Variants in THOC2 observed in about 807,000 individuals in gnomAD.
The protein encoded by THOC2 is THO complex subunit 2, also known as THO complex 2.
A neutral mutation model predicts 128.4 loss-of-function variants in THOC2; 10 were observed. The ratio of observed to expected loss-of-function variants is 0.08; its 90% confidence interval spans 0.05 to 0.13. THOC2 has a LOEUF of 0.13. Ranked by LOEUF, THOC2 falls within the 10% of genes least tolerant of loss-of-function variation. The pLI is 1.00. For missense variants in THOC2, 535 were observed against 1,155.7 expected (o/e 0.46, Z 7.79); for synonymous variants, 393 against 396.9 (o/e 0.99, Z 0.12).
At chrX:123,687,068 C>T (rs1013913588) in intron 7 of THOC2, among the ~76,000 whole-genome samples, 4 of 110,990 alleles carry the variant, frequency 3.6e-5, no homozygotes, top group Non-Finnish European at 5.7e-5. Flanking sequence ...TGGAAAAACA[C>T]GAAAATCAAA....
chrX:123,721,678 C>T (rs943813958), intron 1 of THOC2, among the ~76,000 whole-genome samples: 5 of 107,670 alleles, frequency 4.6e-5, no homozygotes, highest in Admixed American at 2.0e-4. Context: ...CCCAGCTACT[C>T]GGGAGCCTGA....
At chrX:123,697,938 A>G (rs2050510747) in intron 4 of THOC2, among the ~76,000 whole-genome samples, 187 bp from the exon 5 acceptor site, 1 of 111,679 alleles carries the variant, frequency 9.0e-6, no homozygotes, top group Admixed American at 9.5e-5. Flanking sequence ...CTGGAGATTG[A>G]CCCTGTGACC....
chrX:123,653,352 A>G (rs1219934847), intron 12 of THOC2, among the ~76,000 whole-genome samples: 1 of 112,220 alleles, frequency 8.9e-6, no homozygotes, highest in Non-Finnish European at 1.9e-5. Context: ...ACCATTTAGG[A>G]CAAAGGCATG....
At chrX:123,684,114 A>G (rs1313167217) in intron 8 of THOC2, among the ~76,000 whole-genome samples, 2 of 111,703 alleles carry the variant, frequency 1.8e-5, no homozygotes, top group East Asian at 5.6e-4. Flanking sequence ...GAAAAGTTAC[A>G]TTATTTATAA....
intron 30 of THOC2, 63 bp from the exon 31 acceptor site, chrX:123,621,650 A>T: frequency 4.7e-6 from 4 of 842,555 alleles, no homozygotes; most frequent in Non-Finnish European, 4.9e-6. Context: ...TTGATATATG[A>T]TAAAATATAT....
At chrX:123,656,872 T>C (rs1487759516) in intron 12 of THOC2, among the ~76,000 whole-genome samples, 1 of 109,453 alleles carries the variant, frequency 9.1e-6, no homozygotes, top group African/African-American at 3.3e-5. Flanking sequence ...TAGCTGGGTG[T>C]GGTGGCGCAT....
intron 15 of THOC2, among the ~76,000 whole-genome samples, chrX:123,642,885 T>C (rs1217042304): frequency 9.0e-6 from 1 of 111,508 alleles, no homozygotes; most frequent in African/African-American, 3.3e-5. Context: ...GTGAGACTTT[T>C]TGCTGTATTT....
intron 17 of THOC2, among the ~76,000 whole-genome samples, chrX:123,638,341 G>T (rs2047755701): frequency 8.9e-6 from 1 of 111,937 alleles, no homozygotes; most frequent in Admixed American, 9.5e-5. Context: ...CAGCAATCAA[G>T]ACAGATTCCA....
At chrX:123,640,643 G>C in intron 15 of THOC2, 21 bp from the exon 16 acceptor site, 1 of 975,766 alleles carries the variant, frequency 1.0e-6, no homozygotes, top group Non-Finnish European at 1.4e-6. Flanking sequence ...AGAAAAAGGT[G>C]GCACGGATCA....
intron 33 of THOC2, among the ~76,000 whole-genome samples, chrX:123,615,790 T>C (rs753342673): frequency 6.3e-5 from 7 of 111,053 alleles, no homozygotes; most frequent in Non-Finnish European, 9.5e-5. Context: ...TACTTCATTC[T>C]TGACATAAAA....
chrX:123,714,221 ATGTTCAAAAGACAAAG>A (rs1476557402), intron 1 of THOC2, among the ~76,000 whole-genome samples: 2 of 112,488 alleles, frequency 1.8e-5, no homozygotes, highest in African/African-American at 3.2e-5. Context: ...ATCTAACTCC[ATGTTCAAAAGACAAAG>A]TATCTAAATT....
At chrX:123,708,301 A>G (rs772007616) in intron 2 of THOC2, among the ~76,000 whole-genome samples, 12 of 111,571 alleles carry the variant, frequency 1.1e-4, no homozygotes, top group Non-Finnish European at 1.5e-4. Flanking sequence ...AGAATTCTTT[A>G]TTAAATATAT....
rs967319699 is a variant in THOC2, at chrX:123,625,818, T to C, written c.3057+94A>G. On this transcript the variant is annotated intron_variant, in intron 25 of 38. Coordinates refer to ENST00000245838, the MANE Select transcript of THOC2 (RefSeq NM_001081550.2). The stretch of plus-strand genomic sequence containing the variant: ...TTCAGACACTTGGTTCTTGAGTTCA[T>C]GCTTTTTAACTAAACACACAATAAT... 11 of 945,378 alleles carry C rather than the reference T, an allele frequency of 1.2e-5. 1 individual carries two copies. Among genetic ancestry groups the C allele is most frequent in the African/African-American group, 2.0e-5 (1 of 50,025 alleles). 77.9% of individuals were successfully genotyped at this position (945,378 alleles called of 1,213,427 possible). A position where few individuals can be genotyped will look rare whatever the true frequency, so the allele number is the denominator to read the frequency against.
intron 1 of THOC2, among the ~76,000 whole-genome samples, chrX:123,732,158 G>A (rs1205784499): frequency 1.8e-5 from 2 of 111,622 alleles, no homozygotes; most frequent in Non-Finnish European, 3.8e-5. Flanking sequence ...TAAAGGAAAC[G>A]CGTTATCCTA....
At chrX:123,654,094 T>C (rs773940674) in intron 12 of THOC2, among the ~76,000 whole-genome samples, 42 of 111,424 alleles carry the variant, frequency 3.8e-4, no homozygotes, top group Middle Eastern at 4.6e-3. Context: ...GATGAGTTCA[T>C]GTCCTTTGCA....
intron 12 of THOC2, among the ~76,000 whole-genome samples, chrX:123,652,267 C>G (rs759183157): frequency 9.0e-6 from 1 of 111,371 alleles, no homozygotes; most frequent in Non-Finnish European, 1.9e-5. Context: ...AACTAGGTAT[C>G]GATGGAACAT....
In THOC2 at chrX:123,600,881, C is replaced by G. The variant is rs183226637; in HGVS notation, c.*476G>C. On this transcript the variant is annotated 3_prime_UTR_variant, in exon 39 of 39. Transcript: ENST00000245838. ...AGCATTTCATAAGACAATGCTCCCACTGCTTTTAGTGACTAATATTAAGAA... is the reference window on the plus strand; with the variant it reads ...AGCATTTCATAAGACAATGCTCCCAGTGCTTTTAGTGACTAATATTAAGAA... 9 of 112,625 alleles carry G rather than the reference C, an allele frequency of 8.0e-5. No individual in the cohort carries two copies. The East Asian group carries it at 2.5e-3, about 31-fold the overall frequency. The allele number at this position is 112,625 out of a possible 1,213,427, so 9.3% of individuals were successfully genotyped here. A position where few individuals can be genotyped will look rare whatever the true frequency, so the allele number is the denominator to read the frequency against.
At chrX:123,638,822 C>A in intron 17 of THOC2, 112 bp downstream of exon 17, 1 of 445,688 alleles carries the variant, frequency 2.2e-6, no homozygotes, top group South Asian at 4.3e-5. Context: ...TTCAGATCAG[C>A]CACCTGAATC....
chrX:123,644,309 T>C (rs1466289587), intron 15 of THOC2, among the ~76,000 whole-genome samples: 4 of 111,920 alleles, frequency 3.6e-5, no homozygotes, highest in African/African-American at 6.5e-5. Context: ...AAAACCTTCA[T>C]CCCATAATAT....
Sources: gnomAD v4.1 joint callset for allele counts (sites outside exome capture counted in the v4.1 genomes callset) on GRCh38, gnomAD v4.1.1 for gene constraint, MANE v1.5 for transcripts, NCBI Gene and HGNC (gene_info 2026-07-23, HGNC 2026-07-21) for gene names.